Variants in AGBL1 observed in about 807,000 individuals in gnomAD.
AGBL1 encodes cytosolic carboxypeptidase 4.
In AGBL1, 130 loss-of-function variants were observed where a neutral mutation model predicts 118.9. The observed-to-expected ratio is 1.09, with a 90% confidence interval of 0.95 to 1.26. The LOEUF is 1.26. Among genes scored for constraint, AGBL1 ranks in the 50% most tolerant of loss-of-function variants. The pLI, the probability that AGBL1 is intolerant of heterozygous loss-of-function variation, is 0.00. For missense variants in AGBL1, 1,584 were observed against 1,298.1 expected (o/e 1.22, Z -3.38); for synonymous variants, 555 against 478.9 (o/e 1.16, Z -2.08).
intron 22 of AGBL1, among the ~76,000 whole-genome samples, chr15:86,842,589 G>A (rs1009951912): frequency 6.6e-6 from 1 of 152,208 alleles, no homozygotes; most frequent in Admixed American, 6.5e-5. Context: ...TTGATGAAGA[G>A]GACATGGGCT....
chr15:86,323,977 G>T (rs2080144709), intron 17 of AGBL1, among the ~76,000 whole-genome samples: 1 of 152,262 alleles, frequency 6.6e-6, no homozygotes, highest in South Asian at 2.1e-4. Context: ...CAGAACCCCA[G>T]TTAATGGATG....
At position 87,028,518 on chromosome 15, in the gene AGBL1, T is replaced by C. The variant is rs564415675; in HGVS notation, c.3324-307T>C. 6.4e-4 allele frequency among the ~76,000 whole-genome samples: 97 copies of C among 151,984 alleles called. 1 individual carries two copies. The highest frequency in any genetic ancestry group is 1.2e-3 in the Non-Finnish European group (84 of 67,962). On this transcript the variant is annotated intron_variant, in intron 24 of 24. Transcript: ENST00000441037. The stretch of plus-strand genomic sequence containing the variant: ...ATACTTGGAATTTACCTAATGACTT[T>C]ATATTTTTAAATCATCCATTCATTA...
Position 86,264,251 on chromosome 15 carries a change from C to A in AGBL1, c.1087-7C>A, listed in dbSNP as rs376163686. 6.4e-7 allele frequency: 1 copy of A among 1,569,602 alleles called. No individual in the cohort carries two copies. The highest frequency in any genetic ancestry group is 8.6e-7 in the Non-Finnish European group (1 of 1,157,230). On this transcript the variant is annotated splice_polypyrimidine_tract_variant and splice_region_variant and intron_variant, in intron 10 of 22. Transcript: ENST00000614907. ...CTAACATATTGTATTCCATTTTGAACCTGAAGGAACTGCAGTCCAAACTTG... is the reference window on the plus strand; with the variant it reads ...CTAACATATTGTATTCCATTTTGAAACTGAAGGAACTGCAGTCCAAACTTG...
At chr15:86,716,407 C>T (rs918539171) in intron 22 of AGBL1, among the ~76,000 whole-genome samples, 11 of 152,038 alleles carry the variant, frequency 7.2e-5, no homozygotes, top group African/African-American at 2.7e-4. Context: ...CTCCCAGGAT[C>T]AGGTAGGGTA....
chr15:86,591,790 A>C (rs2084339355), intron 21 of AGBL1, among the ~76,000 whole-genome samples: 1 of 152,126 alleles, frequency 6.6e-6, no homozygotes, highest in Non-Finnish European at 1.5e-5. Flanking sequence ...TGATTAGTTT[A>C]ACCTTTAGCC....
intron 1 of AGBL1, among the ~76,000 whole-genome samples, chr15:86,088,630 C>T (rs1256209587): frequency 6.6e-6 from 1 of 152,194 alleles, no homozygotes; most frequent in Non-Finnish European, 1.5e-5. Flanking sequence ...CACTAGTGTT[C>T]CCTGGGATGC....
At chr15:86,770,689 G>A (rs1222889003) in intron 22 of AGBL1, among the ~76,000 whole-genome samples, 2 of 151,924 alleles carry the variant, frequency 1.3e-5, no homozygotes, top group South Asian at 2.1e-4. Flanking sequence ...AGTAGATGTA[G>A]AGGGTATCGT....
chr15:86,120,155 C>T (rs557840492), intron 1 of AGBL1, among the ~76,000 whole-genome samples: 1 of 152,320 alleles, frequency 6.6e-6, no homozygotes, highest in African/African-American at 2.4e-5. Context: ...ATCCTGCCTT[C>T]CCAGGTCATC....
intron 3 of AGBL1, among the ~76,000 whole-genome samples, chr15:86,146,875 A>G (rs2077040249): frequency 5.9e-5 from 9 of 152,190 alleles, no homozygotes; most frequent in Admixed American, 5.9e-4. Flanking sequence ...AGAGGTACAT[A>G]TCAGTAAACG....
chr15:86,743,876 A>C (rs2141240898), intron 22 of AGBL1, among the ~76,000 whole-genome samples: 1 of 151,806 alleles, frequency 6.6e-6, no homozygotes, highest in South Asian at 2.1e-4. Flanking sequence ...CATCCCCCGC[A>C]ACACACACAC....
In AGBL1 at chr15:86,545,861, C is replaced by T. The variant is rs868639696; in HGVS notation, c.2686-141C>T. 10 of 986,978 alleles carry T rather than the reference C, an allele frequency of 1.0e-5. No individual in the cohort carries two copies. The East Asian group carries it at 2.7e-4, about 26-fold the overall frequency. The allele number at this position is 986,978 out of a possible 1,614,324, so 61.1% of individuals were successfully genotyped here. A position where few individuals can be genotyped will look rare whatever the true frequency, so the allele number is the denominator to read the frequency against. Reference sequence around the variant, plus strand: ...CACCAGTGATCCGCACATGGCTGGTCTGCTAACTCAACAGCATCCGAGAAA... The same window carrying T: ...CACCAGTGATCCGCACATGGCTGGTTTGCTAACTCAACAGCATCCGAGAAA... On this transcript the variant is annotated intron_variant, in intron 19 of 22. Coordinates refer to ENST00000614907, the MANE Select transcript of AGBL1 (RefSeq NM_001386094.1).
chr15:86,901,922 T>C (rs942017852), intron 22 of AGBL1, among the ~76,000 whole-genome samples: 3 of 152,174 alleles, frequency 2.0e-5, no homozygotes, highest in Admixed American at 6.5e-5. Flanking sequence ...ACAGCAAAAC[T>C]ATTAATATCA....
At chr15:86,853,159 A>C (rs1201607813) in intron 22 of AGBL1, among the ~76,000 whole-genome samples, 1 of 152,228 alleles carries the variant, frequency 6.6e-6, no homozygotes, top group African/African-American at 2.4e-5. Flanking sequence ...GTCAAGTTTT[A>C]GAATAAGTAG....
intron 16 of AGBL1, among the ~76,000 whole-genome samples, chr15:86,290,405 C>A (rs980784737): frequency 6.8e-6 from 1 of 147,452 alleles, no homozygotes; most frequent in Non-Finnish European, 1.5e-5. Context: ...GGATGGAGTG[C>A]AGTGACTTGA....
At chr15:86,544,792 T>C (rs2083556199) in intron 19 of AGBL1, among the ~76,000 whole-genome samples, 1 of 152,156 alleles carries the variant, frequency 6.6e-6, no homozygotes, top group Non-Finnish European at 1.5e-5. Context: ...AATGGCTAAG[T>C]GCATATTCCA....
chr15:86,892,960 C>G (rs568780837), intron 22 of AGBL1, among the ~76,000 whole-genome samples: 3 of 152,226 alleles, frequency 2.0e-5, no homozygotes, highest in African/African-American at 7.2e-5. Context: ...CTGCTCGTGC[C>G]TCTTAGATGG....
At chr15:86,090,680 A>G (rs1895963318) in intron 1 of AGBL1, among the ~76,000 whole-genome samples, 1 of 152,094 alleles carries the variant, frequency 6.6e-6, no homozygotes. Context: ...TATGCTCTTT[A>G]TTTTTTGATA....
chr15:86,726,476 A>G (rs1351001147), intron 22 of AGBL1, among the ~76,000 whole-genome samples: 3 of 152,202 alleles, frequency 2.0e-5, no homozygotes, highest in Non-Finnish European at 4.4e-5. Context: ...ATTGTAACCA[A>G]TAGATGAAGG....
In AGBL1 at chr15:86,666,809, T is replaced by C. The variant is rs947036840; in HGVS notation, c.2995-7464T>C. On this transcript the variant is annotated intron_variant, in intron 21 of 22. Transcript: ENST00000614907. Reference sequence around the variant, plus strand: ...TATTATAATTATTATTTCCATTACATAGATGAGAAAACCGAGGCACTAAAA... The same window carrying C: ...TATTATAATTATTATTTCCATTACACAGATGAGAAAACCGAGGCACTAAAA... Among the ~76,000 whole-genome samples, 20 of 152,192 alleles carry C rather than the reference T, an allele frequency of 1.3e-4. 1 individual carries two copies. Among genetic ancestry groups the C allele is most frequent in the East Asian group, 3.8e-4 (2 of 5,204 alleles).
Sources: allele counts gnomAD v4.1 joint callset (sites outside exome capture counted in the v4.1 genomes callset), GRCh38; gene constraint gnomAD v4.1.1; transcripts MANE v1.5; gene names NCBI Gene and HGNC (gene_info 2026-07-23, HGNC 2026-07-21).